The following CACNA2D3 variants were observed in gnomAD, a reference collection of about 807,000 sequenced individuals.
The protein encoded by CACNA2D3 is voltage-dependent calcium channel subunit alpha-2/delta-3.
A neutral mutation model predicts 160.6 loss-of-function variants in CACNA2D3; 60 were observed. The ratio of observed to expected loss-of-function variants is 0.37; its 90% CI spans 0.30 to 0.46. The LOEUF (loss-of-function observed/expected upper bound fraction) is 0.46. Among genes scored for constraint, CACNA2D3 ranks in the 20% least tolerant of loss-of-function variants. CACNA2D3 has a pLI of 1.00. For missense variants in CACNA2D3, 1,205 were observed against 1,365.0 expected, an observed-to-expected ratio of 0.88 and a Z score of 1.85; for synonymous variants, 558 against 492.9, an observed-to-expected ratio of 1.13 and a Z score of -1.75.
At chr3:54,925,327 C>T in intron 27 of CACNA2D3, 1 of 835,258 alleles carries the variant, frequency 1.2e-6, no homozygotes, top group Non-Finnish European at 1.9e-6. Context: ...GTGAAACCTT[C>T]TACAACCTGC....
intron 11 of CACNA2D3, among the ~76,000 whole-genome samples, chr3:54,659,090 C>G (rs1303609260): frequency 6.6e-6 from 1 of 152,078 alleles, no homozygotes; most frequent in Non-Finnish European, 1.5e-5. Flanking sequence ...TAAAGTTGTC[C>G]CCTGTCCCCT....
intron 14 of CACNA2D3, among the ~76,000 whole-genome samples, chr3:54,823,192 T>C (rs1703679245): frequency 6.6e-6 from 1 of 152,022 alleles, no homozygotes. Flanking sequence ...AATAATCTCT[T>C]CATATCAAAC....
chr3:54,290,724 C>G (rs1365059989), intron 2 of CACNA2D3, among the ~76,000 whole-genome samples: 6 of 151,886 alleles, frequency 4.0e-5, no homozygotes, highest in Non-Finnish European at 8.8e-5. Context: ...GAATACTATG[C>G]AGCCATAAAA....
At chr3:54,548,674 G>C (rs1004002401) in intron 5 of CACNA2D3, among the ~76,000 whole-genome samples, 1 of 152,198 alleles carries the variant, frequency 6.6e-6, no homozygotes, top group Non-Finnish European at 1.5e-5. Context: ...GATGACAGGG[G>C]ATCCTGATCC....
intron 2 of CACNA2D3, among the ~76,000 whole-genome samples, chr3:54,146,598 G>C (rs567841196): frequency 7.2e-4 from 110 of 152,338 alleles, no homozygotes; most frequent in African/African-American, 2.2e-3. Flanking sequence ...TGGGGAAGGG[G>C]GGCGTGGCCT....
intron 11 of CACNA2D3, among the ~76,000 whole-genome samples, chr3:54,650,045 C>T (rs1699729777): frequency 6.6e-6 from 1 of 152,094 alleles, no homozygotes; most frequent in South Asian, 2.1e-4. Flanking sequence ...CATGAACTGA[C>T]CCTCACCTGG....
chr3:54,368,358 A>G (rs1026498897), intron 3 of CACNA2D3, among the ~76,000 whole-genome samples: 1 of 152,120 alleles, frequency 6.6e-6, no homozygotes, highest in African/African-American at 2.4e-5. Flanking sequence ...TTGATTACCT[A>G]TTCGTCTCCT....
intron 9 of CACNA2D3, chr3:54,626,671 A>G (rs1699116288): frequency 1.5e-6 from 1 of 667,668 alleles, no homozygotes; most frequent in African/African-American, 2.2e-5. Flanking sequence ...ATAAAGGCGC[A>G]CATGGTTCCA....
intron 2 of CACNA2D3, among the ~76,000 whole-genome samples, chr3:54,199,816 C>G (rs953883469): frequency 2.6e-5 from 4 of 152,128 alleles, no homozygotes; most frequent in African/African-American, 9.7e-5. Flanking sequence ...GATATTAACA[C>G]TAGGTAAAGA....
intron 4 of CACNA2D3, among the ~76,000 whole-genome samples, chr3:54,456,111 T>G (rs377289451): frequency 6.6e-6 from 1 of 152,144 alleles, no homozygotes; most frequent in African/African-American, 2.4e-5. Context: ...TTGATAGAGA[T>G]TGCATTGAAT....
intron 29 of CACNA2D3, among the ~76,000 whole-genome samples, chr3:54,970,995 G>GA (rs1311396185): frequency 6.6e-6 from 1 of 151,630 alleles, no homozygotes; most frequent in Non-Finnish European, 1.5e-5. Context: ...GTGGACAAAG[G>GA]AAAAACAAGT....
chr3:54,891,871 G>A (rs1479052965), intron 25 of CACNA2D3, among the ~76,000 whole-genome samples: 1 of 152,222 alleles, frequency 6.6e-6, no homozygotes, highest in Non-Finnish European at 1.5e-5. Context: ...AGTCCTGTTT[G>A]TTTACATTTT....
At chr3:54,913,338 A>G (rs2106912935) in intron 27 of CACNA2D3, among the ~76,000 whole-genome samples, 1 of 152,310 alleles carries the variant, frequency 6.6e-6, no homozygotes, top group Non-Finnish European at 1.5e-5. Context: ...CTGGAGACTT[A>G]GCTATCCTTG....
At chr3:54,813,710 C>G (rs953534827) in intron 13 of CACNA2D3, among the ~76,000 whole-genome samples, 1 of 151,908 alleles carries the variant, frequency 6.6e-6, no homozygotes, top group Non-Finnish European at 1.5e-5. Context: ...CTTCTCTGCC[C>G]TCATGGAGTT....
intron 14 of CACNA2D3, among the ~76,000 whole-genome samples, chr3:54,819,669 A>T (rs1287575969): frequency 6.6e-6 from 1 of 152,090 alleles, no homozygotes; most frequent in African/African-American, 2.4e-5. Context: ...ACATGGTGAA[A>T]CCACGTCTCT....
chr3:54,888,842 G>T (rs1699990295), intron 24 of CACNA2D3, among the ~76,000 whole-genome samples: 1 of 152,118 alleles, frequency 6.6e-6, no homozygotes. Flanking sequence ...CTGTGTGTCT[G>T]TTATGTGCCA....
chr3:54,688,109 A>G (rs1391734809), intron 11 of CACNA2D3, among the ~76,000 whole-genome samples: 1 of 152,188 alleles, frequency 6.6e-6, no homozygotes, highest in Non-Finnish European at 1.5e-5. Context: ...TTATTATTTA[A>G]AAGAATCACA....
intron 35 of CACNA2D3, among the ~76,000 whole-genome samples, chr3:55,026,664 C>T (rs1411647247): frequency 6.6e-6 from 1 of 152,110 alleles, no homozygotes; most frequent in Non-Finnish European, 1.5e-5. Flanking sequence ...GTTTGGTCAA[C>T]ACATTGTTAG....
rs1028193641 is a variant in CACNA2D3, at chr3:54,271,711, C to G, written c.205-48731C>G. On this transcript the variant is annotated intron_variant, in intron 2 of 37. Coordinates refer to ENST00000474759, the MANE Select transcript of CACNA2D3 (RefSeq NM_018398.3). ...GATTTGTGGTGCTCTCTCTGGCTCTCCCTGGAGTTGTATGCAGTTCCAAGG... is the reference window on the plus strand; with the variant it reads ...GATTTGTGGTGCTCTCTCTGGCTCTGCCTGGAGTTGTATGCAGTTCCAAGG... 8.5e-5 allele frequency among the ~76,000 whole-genome samples: 13 copies of G among 152,264 alleles called. No homozygotes were observed. In the East Asian group the frequency reaches 2.1e-3, roughly 25 times the overall value.
Sources: gnomAD v4.1 joint callset for allele counts (sites outside exome capture counted in the v4.1 genomes callset) on GRCh38, gnomAD v4.1.1 for gene constraint, MANE v1.5 for transcripts, NCBI Gene and HGNC (gene_info 2026-07-23, HGNC 2026-07-21) for gene names.